The following ZNF846 variants were observed in gnomAD, a reference collection of about 807,000 sequenced individuals.
ZNF846 encodes the protein zinc finger protein 420 pseudogene.
A neutral mutation model predicts 16.0 loss-of-function variants in ZNF846; 15 were observed. The ratio of observed to expected loss-of-function variants is 0.94; its 90% CI spans 0.63 to 1.45. The LOEUF (loss-of-function observed/expected upper bound fraction) is 1.45, where lower values mean the gene tolerates loss of function less well. Among genes scored for constraint, ZNF846 ranks in the 40% most tolerant of loss-of-function variants. The pLI is 0.00. For synonymous variants in ZNF846, 229 were observed against 212.0 expected, an observed-to-expected ratio of 1.08 and a Z score of -0.70; for missense variants, 714 against 622.3, an observed-to-expected ratio of 1.15 and a Z score of -1.57.
At chr19:9,781,653 CA>C (rs566370299) in intron 1 of ZNF846, among the ~76,000 whole-genome samples, 4 of 149,088 alleles carry the variant, frequency 2.7e-5, no homozygotes, top group African/African-American at 4.9e-5. Context: ...CCAGATCCCA[CA>C]AAAAAAAACT....
chr19:9,766,678 C>A (rs1272102505), intron 1 of ZNF846, among the ~76,000 whole-genome samples: 1 of 151,450 alleles, frequency 6.6e-6, no homozygotes, highest in Non-Finnish European at 1.5e-5. Context: ...GAGATGGAGA[C>A]CATCCTGGCC....
chr19:9,775,208 T>C (rs2045427399), intron 1 of ZNF846, among the ~76,000 whole-genome samples: 1 of 151,900 alleles, frequency 6.6e-6, no homozygotes, highest in African/African-American at 2.4e-5. Context: ...TGTGTGTGTG[T>C]GTGTGTATAT....
At chr19:9,772,775 G>GA (rs768556238), upstream of ZNF846, among the ~76,000 whole-genome samples, 2 of 152,010 alleles carry the variant, frequency 1.3e-5, no homozygotes, top group Non-Finnish European at 1.5e-5. Context: ...GCAGTTATTA[G>GA]AAAATCCATT....
At chr19:9,755,988 C>A (rs1218088412), downstream of ZNF846, among the ~76,000 whole-genome samples, 1 of 148,170 alleles carries the variant, frequency 6.7e-6, no homozygotes, top group Non-Finnish European at 1.5e-5. Context: ...TTAAAGGCAC[C>A]CGCCACCATA....
chr19:9,758,568 G>A, exon 6 of ZNF846: 2 of 1,612,698 alleles, frequency 1.2e-6, no homozygotes, highest in Non-Finnish European at 1.7e-6. Flanking sequence ...AACACACTTA[G>A]GCATTTTCCC....
chr19:9,763,012 T>G (rs759017450), intron 3 of ZNF846, among the ~76,000 whole-genome samples: 4 of 151,948 alleles, frequency 2.6e-5, no homozygotes, highest in Non-Finnish European at 4.4e-5. Context: ...GCCATGGTGG[T>G]GCACACCTGT....
chr19:9,778,803 CA>C (rs56001426), intron 1 of ZNF846, among the ~76,000 whole-genome samples: 3,113 of 51,382 alleles, frequency 0.061, 54 homozygotes, highest in African/African-American at 0.16. Flanking sequence ...AAACTCGTCT[CA>C]AAAAAAAAAA....
intron 1 of ZNF846, among the ~76,000 whole-genome samples, chr19:9,776,629 C>A (rs1230719311): frequency 6.6e-6 from 1 of 152,202 alleles, no homozygotes; most frequent in Non-Finnish European, 1.5e-5. Flanking sequence ...GGGCCACTAC[C>A]GGTCTCCGTG....
intron 4 of ZNF846, among the ~76,000 whole-genome samples, chr19:9,760,291 CA>C (rs111372265): frequency 9.3e-4 from 130 of 140,332 alleles, no homozygotes; most frequent in East Asian, 1.5e-3. Flanking sequence ...GACTTCGTCT[CA>C]AAAAAAAAAA....
At position 9,782,067 on chromosome 19, in the gene ZNF846, G is replaced by A. The variant is rs188001412; in HGVS notation, c.-86+3871C>T. ...GCTGGGATTACATGTGTGAGCCACC[G>A]CACCCGGCCTAATAATTTTTTTAAG... is the stretch of plus-strand genomic sequence containing the variant. On this transcript the variant is annotated intron_variant, in intron 1 of 4. Coordinates refer to the ZNF846 transcript ENST00000586814. 3.4e-3 allele frequency among the ~76,000 whole-genome samples: 515 copies of A among 151,614 alleles called. 1 individual carries two copies. Among genetic ancestry groups the A allele is most frequent in the African/African-American group, 0.012 (504 of 41,308 alleles).
upstream of ZNF846, among the ~76,000 whole-genome samples, chr19:9,772,785 T>C (rs997010328): frequency 6.6e-6 from 1 of 152,042 alleles, no homozygotes. Flanking sequence ...GAAAATCCAT[T>C]AAATAGTCCA....
At chr19:9,758,146 C>T (rs374350629) in exon 6 of ZNF846, 1 of 1,613,534 alleles carries the variant, frequency 6.2e-7, no homozygotes, top group East Asian at 2.2e-5. Context: ...TCCATACATA[C>T]ATAGGGCTTC....
chr19:9,759,436 C>T (rs1007374444), intron 5 of ZNF846, among the ~76,000 whole-genome samples: 1 of 150,908 alleles, frequency 6.6e-6, no homozygotes, highest in Admixed American at 6.6e-5. Flanking sequence ...AACCCCATCT[C>T]TACAAAAAAA....
At chr19:9,755,179 C>G (rs115214177), downstream of ZNF846, among the ~76,000 whole-genome samples, 2 of 151,604 alleles carry the variant, frequency 1.3e-5, no homozygotes, top group East Asian at 1.9e-4. Context: ...ATATAACATC[C>G]TAACATCCAC....
rs186317808 is a variant in ZNF846 at position 9,777,900 on chromosome 19, G to C, written c.-86+8038C>G. ...ACACTGGCAGCTATTGTGAGTAACGGTGCTATGAACACTGGTGTACAAACC... is the reference window on the plus strand; with the variant it reads ...ACACTGGCAGCTATTGTGAGTAACGCTGCTATGAACACTGGTGTACAAACC... On this transcript the variant is annotated intron_variant, in intron 1 of 4. Transcript: ENST00000586814. 4.0e-3 allele frequency among the ~76,000 whole-genome samples: 609 copies of C among 152,176 alleles called. 13 individuals are homozygous for C. The highest frequency in any genetic ancestry group is 0.035 in the Admixed American group (540 of 15,254).
chr19:9,774,647 T>C, intron 1 of ZNF846: 2 of 1,455,882 alleles, frequency 1.4e-6, no homozygotes, highest in Non-Finnish European at 1.9e-6. Flanking sequence ...TTAGGTGACC[T>C]TCAGAATCGA....
chr19:9,769,153 T>C (rs929216551), upstream of ZNF846, among the ~76,000 whole-genome samples: 2 of 152,140 alleles, frequency 1.3e-5, no homozygotes, highest in African/African-American at 4.8e-5. Flanking sequence ...GGCTCGGTCA[T>C]AGATCATTGC....
At chr19:9,751,377 TTTATTTA>T (rs2045082456), downstream of ZNF846, among the ~76,000 whole-genome samples, 1 of 152,006 alleles carries the variant, frequency 6.6e-6, no homozygotes, top group South Asian at 2.1e-4. Context: ...CTATTCTTAT[TTTATTTA>T]TTATTTTTAT....
chr19:9,758,884 T>C, intron 5 of ZNF846, 120 bp from the exon 6 acceptor site: 1 of 869,220 alleles, frequency 1.2e-6, no homozygotes, highest in Non-Finnish European at 1.7e-6. Flanking sequence ...ATATCCATTA[T>C]ATGTACAGAG....
Sources: allele counts gnomAD v4.1 joint callset (sites outside exome capture counted in the v4.1 genomes callset), GRCh38; gene constraint gnomAD v4.1.1; transcripts MANE v1.5; gene names NCBI Gene and HGNC (gene_info 2026-07-23, HGNC 2026-07-21).